Variants in NALF2 observed in about 807,000 individuals in gnomAD.
The protein encoded by NALF2 is NALCN channel auxiliary factor 2.
Under a neutral mutation model 24.8 loss-of-function variants are expected in NALF2, and 1 was observed. The ratio of observed to expected loss-of-function variants is 0.04; its 90% CI spans 0.01 to 0.19. NALF2 has a LOEUF of 0.19. Among genes scored for constraint, NALF2 ranks in the 10% least tolerant of loss-of-function variants. The pLI, the probability that NALF2 is intolerant of heterozygous loss-of-function variation, is 1.00. For missense variants in NALF2, 458 were observed against 409.6 expected (o/e 1.12, Z -1.02); for synonymous variants, 254 against 189.8 (o/e 1.34, Z -2.78).
At chrX:69,514,180 AC>A (rs138788237) in intron 1 of NALF2, among the ~76,000 whole-genome samples, 17,199 of 94,577 alleles carry the variant, frequency 0.18, 1,588 homozygotes, top group Admixed American at 0.46. Flanking sequence ...ACAGAGTAAG[AC>A]TCTGTCTCAA....
In NALF2 at chrX:69,505,993, C is replaced by G. The variant is rs755330269; in HGVS notation, c.711C>G (p.Ser237=). The G allele has an allele frequency of 8.3e-7, 1 of 1,211,513 alleles. No homozygotes were observed. Among genetic ancestry groups the G allele is most frequent in the Non-Finnish European group, 1.1e-6 (1 of 895,377 alleles). Residue 237 remains serine, a synonymous_variant, in exon 1 of 3, where the codon TCC becomes TCG. Coordinates refer to ENST00000252338, the MANE Select transcript of NALF2 (RefSeq NM_015686.3). ...TGGCCGTGGTGGCCAGCCCGGGCTC[C>G]GGGGCCTGGGAGGCGTGTAGCAACT... The part of the protein sequence containing the change: ...DLLAVVASPG[S]GAWEACSNCI...
At chrX:69,513,856 A>G (rs983518509) in intron 1 of NALF2, among the ~76,000 whole-genome samples, 7 of 111,188 alleles carry the variant, frequency 6.3e-5, no homozygotes, top group Non-Finnish European at 1.3e-4. Context: ...ATCCATTTCT[A>G]AAACGTTTTC....
At position 69,505,312 on chromosome X, in the gene NALF2, G is replaced by A; in HGVS notation, c.30G>A (p.Gly10=). The A allele has an allele frequency of 8.6e-7, 1 of 1,156,311 alleles. No homozygotes were observed. The highest frequency in any genetic ancestry group is 1.2e-6 in the Non-Finnish European group (1 of 868,099). The change falls in exon 1 of 3, where the codon GGG becomes GGA. Residue 10 remains glycine (G), a synonymous_variant. Transcript: ENST00000252338. MFRGAWMWP[G]KDAAALTICC... is the part of the protein sequence containing the mutation. ...TCAGGGGCGCTTGGATGTGGCCCGGGAAAGACGCCGCCGCGCTGACTATCT... is the reference window on the plus strand; with the variant it reads ...TCAGGGGCGCTTGGATGTGGCCCGGAAAAGACGCCGCCGCGCTGACTATCT...
In NALF2 at chrX:69,528,998, C is replaced by T; in HGVS notation, c.867C>T (p.Val289=). 8.3e-7 allele frequency: 1 copy of T among 1,207,353 alleles called. No homozygotes were observed. Among genetic ancestry groups the T allele is most frequent in the Non-Finnish European group, 1.1e-6 (1 of 893,285 alleles). The change falls in exon 2 of 3, where the codon GTC becomes GTT. Residue 289 remains valine (V), a synonymous_variant. Coordinates refer to ENST00000252338, the MANE Select transcript of NALF2 (RefSeq NM_015686.3). ...IRSCTKGCKA[V]YKAWLCSEYF... Reference sequence around the variant, plus strand: ...GCTCTTTCCTCTCCCCACAGGCTGTCTACAAGGCCTGGCTGTGCTCAGAAT... The same window carrying T: ...GCTCTTTCCTCTCCCCACAGGCTGTTTACAAGGCCTGGCTGTGCTCAGAAT...
At position 69,525,887 on chromosome X, in the gene NALF2, A is replaced by G. The variant is rs11796195; in HGVS notation, c.862-3106A>G. Reference sequence around the variant, plus strand: ...ACTGCCACTCTCTCATACCCCTCAAACCCCTCTCTTCCTGCCCTCCTTTAA... The same window carrying G: ...ACTGCCACTCTCTCATACCCCTCAAGCCCCTCTCTTCCTGCCCTCCTTTAA... On this transcript the variant is annotated intron_variant, in intron 1 of 2. Coordinates refer to ENST00000252338, the MANE Select transcript of NALF2 (RefSeq NM_015686.3). 3.8e-3 allele frequency among the ~76,000 whole-genome samples: 402 copies of G among 104,812 alleles called. 5 individuals are homozygous for G. The highest frequency in any genetic ancestry group is 0.013 in the South Asian group (30 of 2,224). 91.0% of individuals were successfully genotyped at this position (104,812 alleles called of 115,157 possible).
At chrX:69,508,514 C>T (rs1487964568) in intron 1 of NALF2, among the ~76,000 whole-genome samples, 1 of 111,765 alleles carries the variant, frequency 8.9e-6, no homozygotes, top group Non-Finnish European at 1.9e-5. Flanking sequence ...TGTGCTCTCG[C>T]TGCCTGCTGT....
Position 69,529,640 on chromosome X carries a change from C to T in NALF2, c.1103C>T (p.Ala368Val), listed in dbSNP as rs111415911. The T allele has an allele frequency of 1.7e-4, 202 of 1,208,539 alleles. 1 individual carries two copies. In the African/African-American group the frequency reaches 2.3e-3, roughly 14 times the overall value. ...GACGTGCAGTGGGTCTCCTGTGAGG[C>T]GAAGAAGAAGAAGTTCAAGGAGTCT... ...CCDVQWVSCE[A>V]KKKKFKESEA... is the part of the protein sequence containing the mutation. Residue 368 changes from alanine to valine, a missense_variant, in exon 3 of 3, where the codon GCG becomes GTG. Transcript: ENST00000252338.
At position 69,531,713 on chromosome X, in the gene NALF2, C is replaced by T. The variant is rs1930906857; in HGVS notation, c.*1757C>T. The stretch of plus-strand genomic sequence containing the variant: ...GACTGATTACATGAGACTGGGGAGT[C>T]CTTCCCTGCCAGTTTTCTCATTTAT... On this transcript the variant is annotated 3_prime_UTR_variant, in exon 3 of 3. Coordinates refer to ENST00000252338, the MANE Select transcript of NALF2 (RefSeq NM_015686.3). The T allele has an allele frequency of 9.0e-6, 1 of 111,346 alleles. No individual in the cohort carries two copies. The highest frequency in any genetic ancestry group is 3.3e-5 in the African/African-American group (1 of 30,431). The allele number at this position is 111,346 out of a possible 1,213,427, so 9.2% of individuals were successfully genotyped here.
Position 69,505,676 on chromosome X carries a change from C to T in NALF2, c.394C>T (p.Pro132Ser). Residue 132 changes from proline to serine, a missense_variant, in exon 1 of 3, where the codon CCG becomes TCG. Transcript: ENST00000252338. ...AGCCGCCCCCGCCGCCGGCTCTCGG[C>T]CGGTCTGCGGCGGCGTCCCAGAGCC... ...TKAAPAAGSR[P>S]VCGGVPEPTG... 2 of 1,207,636 alleles carry T rather than the reference C, an allele frequency of 1.7e-6. No individual in the cohort carries two copies. The highest frequency in any genetic ancestry group is 2.2e-6 in the Non-Finnish European group (2 of 894,169).
chrX:69,528,218 A>G (rs796637344), intron 1 of NALF2, among the ~76,000 whole-genome samples: 3 of 111,692 alleles, frequency 2.7e-5, no homozygotes, highest in South Asian at 7.6e-4. Context: ...GCTAGGACCC[A>G]GTGCCTGGTA....
intron 1 of NALF2, among the ~76,000 whole-genome samples, chrX:69,516,798 G>A (rs1930667971): frequency 8.9e-6 from 1 of 111,774 alleles, no homozygotes; most frequent in African/African-American, 3.3e-5. Context: ...CAGGGTGTGT[G>A]TGTGTGCGTT....
intron 1 of NALF2, among the ~76,000 whole-genome samples, chrX:69,517,671 T>C (rs1930681019): frequency 9.0e-6 from 1 of 111,249 alleles, no homozygotes; most frequent in African/African-American, 3.3e-5. Flanking sequence ...TGGTAGGGGA[T>C]GAGGAGCCAG....
chrX:69,511,811 A>T (rs1930587913), intron 1 of NALF2, among the ~76,000 whole-genome samples: 1 of 111,659 alleles, frequency 9.0e-6, no homozygotes, highest in Admixed American at 9.4e-5. Flanking sequence ...CTCCCAACAC[A>T]TCGTAAGCAT....
At chrX:69,517,382 A>G (rs1423251405) in intron 1 of NALF2, among the ~76,000 whole-genome samples, 1 of 111,620 alleles carries the variant, frequency 9.0e-6, no homozygotes, top group Non-Finnish European at 1.9e-5. Flanking sequence ...CAAGTTATTT[A>G]AACTCTTTGG....
At chrX:69,514,670 C>A (rs965668063) in intron 1 of NALF2, among the ~76,000 whole-genome samples, 12 of 111,718 alleles carry the variant, frequency 1.1e-4, no homozygotes, top group Non-Finnish European at 1.7e-4. Context: ...AATGGCTGAA[C>A]CATTTTACAT....
At position 69,506,086 on chromosome X, in the gene NALF2, G is replaced by A; in HGVS notation, c.804G>A (p.Leu268=). The A allele has an allele frequency of 8.3e-7, 1 of 1,209,520 alleles. No individual in the cohort carries two copies. The highest frequency in any genetic ancestry group is 1.1e-6 in the Non-Finnish European group (1 of 894,177). Residue 268 remains leucine (L), a synonymous_variant, in exon 1 of 3, where the codon CTG becomes CTA. Coordinates refer to ENST00000252338, the MANE Select transcript of NALF2 (RefSeq NM_015686.3). ...AATATGACGAGTTCGACCTCGTGCT[G>A]CATAAATACTTACAGGCGGAAGAGT... ...QEKYDEFDLV[L]HKYLQAEEYS...
chrX:69,529,202 G>T (rs751808488), intron 2 of NALF2, 38 bp downstream of exon 2: 54 of 1,170,889 alleles, frequency 4.6e-5, no homozygotes. Context: ...AGGAGGCCGG[G>T]GGCCCAGGGC....
chrX:69,527,884 A>G (rs187071704), intron 1 of NALF2, among the ~76,000 whole-genome samples: 1 of 112,142 alleles, frequency 8.9e-6, no homozygotes, highest in Admixed American at 9.4e-5. Context: ...CACACTTTGA[A>G]GAGCAAGGAC....
chrX:69,510,523 G>A (rs1463647116), intron 1 of NALF2, among the ~76,000 whole-genome samples: 3 of 112,768 alleles, frequency 2.7e-5, no homozygotes, highest in African/African-American at 9.7e-5. Context: ...GGCCAGTGGT[G>A]TCTGTTTTCA....
Sources: gnomAD v4.1 joint callset for allele counts (sites outside exome capture counted in the v4.1 genomes callset) on GRCh38, gnomAD v4.1.1 for gene constraint, MANE v1.5 for transcripts, NCBI Gene and HGNC (gene_info 2026-07-23, HGNC 2026-07-21) for gene names.